The following DAB2IP variants were observed in gnomAD, a reference collection of about 807,000 sequenced individuals.
The protein encoded by DAB2IP is disabled homolog 2-interacting protein.
A neutral mutation model predicts 107.2 loss-of-function variants in DAB2IP; 28 were observed. The ratio of observed to expected loss-of-function variants is 0.26; its 90% CI spans 0.19 to 0.36. The LOEUF (loss-of-function observed/expected upper bound fraction) is 0.36. DAB2IP is among the 10% of genes least tolerant of loss of function. The pLI is 1.00. For synonymous variants in DAB2IP, 755 were observed against 706.4 expected, an observed-to-expected ratio of 1.07 and a Z score of -1.09; for missense variants, 1,400 against 1,644.7, an observed-to-expected ratio of 0.85 and a Z score of 2.57.
chr9:121,707,043 C>T (rs1018224623), intron 3 of DAB2IP, among the ~76,000 whole-genome samples: 2 of 152,198 alleles, frequency 1.3e-5, no homozygotes, highest in Non-Finnish European at 2.9e-5. Context: ...AGTAAGACCT[C>T]CCTTCCTCCC....
At chr9:121,615,406 G>A (rs879042621) in intron 1 of DAB2IP, among the ~76,000 whole-genome samples, 2 of 152,134 alleles carry the variant, frequency 1.3e-5, no homozygotes, top group Admixed American at 6.5e-5. Flanking sequence ...TCCTGGAGAG[G>A]TGGCGTTGTA....
chr9:121,715,488 G>T (rs1334843421), intron 3 of DAB2IP, among the ~76,000 whole-genome samples: 1 of 151,942 alleles, frequency 6.6e-6, no homozygotes, highest in East Asian at 1.9e-4. Context: ...GAGTAGCTGG[G>T]ACTACAGGCA....
intron 1 of DAB2IP, among the ~76,000 whole-genome samples, chr9:121,621,642 T>G (rs1158736367): frequency 2.7e-5 from 4 of 149,968 alleles, no homozygotes; most frequent in Non-Finnish European, 5.9e-5. Context: ...TTTCCTTTTT[T>G]TTTTTTTTTT....
chr9:121,785,365 A>G (rs1835936054), exon 16 of DAB2IP: 2 of 152,760 alleles, frequency 1.3e-5, no homozygotes. Context: ...TGAAAAGGAA[A>G]AAATGCAAAC....
chr9:121,588,445 C>T (rs1830351492), intron 1 of DAB2IP, among the ~76,000 whole-genome samples: 1 of 151,614 alleles, frequency 6.6e-6, no homozygotes, highest in African/African-American at 2.4e-5. Flanking sequence ...TGGGGTTCCC[C>T]AGGAGCAGGC....
At chr9:121,781,632 G>C (rs1835659632) in intron 15 of DAB2IP, 81 bp downstream of exon 15, 1 of 1,397,238 alleles carries the variant, frequency 7.2e-7, no homozygotes, top group African/African-American at 1.4e-5. Context: ...TCCATCCTCA[G>C]TCATACCTCA....
exon 10 of DAB2IP, chr9:121,768,610 G>A: frequency 6.2e-7 from 1 of 1,613,972 alleles, no homozygotes; most frequent in Non-Finnish European, 8.5e-7. Flanking sequence ...ACTGCTCTGG[G>A]AGGCCGTCAG....
chr9:121,725,868 G>A (rs577758370), intron 3 of DAB2IP, among the ~76,000 whole-genome samples: 110 of 152,262 alleles, frequency 7.2e-4, no homozygotes, highest in Non-Finnish European at 1.4e-3. Context: ...AAAGTAGCTG[G>A]GAAGGATTTT....
intron 1 of DAB2IP, among the ~76,000 whole-genome samples, chr9:121,654,911 A>C (rs1832910959): frequency 1.3e-5 from 2 of 152,204 alleles, no homozygotes; most frequent in South Asian, 4.1e-4. Flanking sequence ...GAAACAGAAA[A>C]ATGCAAGGAA....
At chr9:121,740,444 G>A (rs1832261007) in intron 3 of DAB2IP, among the ~76,000 whole-genome samples, 1 of 152,172 alleles carries the variant, frequency 6.6e-6, no homozygotes, top group Admixed American at 6.5e-5. Context: ...GAGTATCCTG[G>A]AGCCTGGCTT....
chr9:121,656,228 G>C (rs546280384), intron 1 of DAB2IP, among the ~76,000 whole-genome samples: 1 of 151,890 alleles, frequency 6.6e-6, no homozygotes, highest in Non-Finnish European at 1.5e-5. Flanking sequence ...GGCTGGTCTC[G>C]AACTCCCAGC....
rs529516010 is a variant in DAB2IP, at chr9:121,683,130, G to A, written c.228+4349G>A. On this transcript the variant is annotated intron_variant, in intron 2 of 15. Transcript: ENST00000408936. ...GGCAGCAAGCTGGGGCCCTGGATCT[G>A]CATAGACCAATGGTCAGACTGGGTC... 3.4e-4 allele frequency among the ~76,000 whole-genome samples: 52 copies of A among 152,292 alleles called. No individual in the cohort carries two copies. The South Asian group carries it at 4.4e-3, about 13-fold the overall frequency.
At chr9:121,576,234 A>G (rs1291469615) in intron 1 of DAB2IP, 1 of 152,122 alleles carries the variant, frequency 6.6e-6, no homozygotes, top group Admixed American at 6.5e-5. Flanking sequence ...AAACTCATTA[A>G]CAGAGCTTAA....
At chr9:121,580,140 T>C (rs1191955821) in intron 1 of DAB2IP, among the ~76,000 whole-genome samples, 2 of 152,102 alleles carry the variant, frequency 1.3e-5, no homozygotes, top group Non-Finnish European at 2.9e-5. Flanking sequence ...CTGCTGGAAT[T>C]GGAGGAGGAT....
chr9:121,718,582 T>C (rs956268981), intron 3 of DAB2IP, among the ~76,000 whole-genome samples: 4 of 152,202 alleles, frequency 2.6e-5, no homozygotes, highest in Non-Finnish European at 2.9e-5. Context: ...AAATGCTGGG[T>C]TGAAATTCCA....
At chr9:121,691,786 TG>T (rs374526580) in intron 2 of DAB2IP, among the ~76,000 whole-genome samples, 7 of 152,182 alleles carry the variant, frequency 4.6e-5, no homozygotes, top group Non-Finnish European at 8.8e-5. Flanking sequence ...ACATTTTACC[TG>T]GGGATTCCTA....
At chr9:121,629,743 G>T (rs999205256) in intron 1 of DAB2IP, among the ~76,000 whole-genome samples, 12 of 152,172 alleles carry the variant, frequency 7.9e-5, no homozygotes, top group Non-Finnish European at 1.8e-4. Context: ...GGCACAGGCT[G>T]GGTTCCTCTG....
rs577245805 is a variant in DAB2IP, at chr9:121,664,007, C to T, written c.124+12108C>T. 1.3e-4 allele frequency among the ~76,000 whole-genome samples: 20 copies of T among 152,294 alleles called. No homozygotes were observed. The South Asian group carries it at 2.1e-3, about 16-fold the overall frequency. ...AGCTGATGTTTCTTAATTCAGGAGT[C>T]GATTTTAGGATAAAAATACAAATAC... On this transcript the variant is annotated intron_variant, in intron 1 of 15. Coordinates refer to ENST00000408936, the Ensembl canonical transcript of DAB2IP.
At chr9:121,637,172 G>T (rs1036460060) in intron 1 of DAB2IP, among the ~76,000 whole-genome samples, 3 of 152,182 alleles carry the variant, frequency 2.0e-5, no homozygotes, top group African/African-American at 7.2e-5. Context: ...TGTCTCTGAG[G>T]CTTGATTTCC....
Sources: allele counts gnomAD v4.1 joint callset (sites outside exome capture counted in the v4.1 genomes callset), GRCh38; gene constraint gnomAD v4.1.1; transcripts MANE v1.5; gene names NCBI Gene and HGNC (gene_info 2026-07-23, HGNC 2026-07-21).